ADAMTS18: variants seen among roughly 807,000 people sequenced by gnomAD.
ADAMTS18 encodes the protein ADAM metallopeptidase with thrombospondin type 1 motif 18, also known as A disintegrin and metalloproteinase with thrombospondin motifs 18.
Under a neutral mutation model 165.9 loss-of-function variants are expected in ADAMTS18, and 157 were observed. That is an observed-to-expected ratio of 0.95 (90% CI 0.83 to 1.08). The LOEUF is 1.08. Ranked by LOEUF, ADAMTS18 falls within the 50% of genes least tolerant of loss-of-function variation. ADAMTS18 has a pLI of 0.00. For synonymous variants in ADAMTS18, 782 were observed against 578.2 expected (o/e 1.35, Z -5.06); for missense variants, 2,040 against 1,534.0 (o/e 1.33, Z -5.51).
At chr16:77,386,171 G>C (rs765836770) in intron 3 of ADAMTS18, among the ~76,000 whole-genome samples, 1 of 152,178 alleles carries the variant, frequency 6.6e-6, no homozygotes, top group Non-Finnish European at 1.5e-5. Context: ...TCCCTGGACA[G>C]CCTCGTGTAC....
chr16:77,333,882 T>A lies in ADAMTS18; in HGVS notation c.1859+1874A>T, dbSNP rs867694527. ...ATTATACTATATTATATATAGTATA[T>A]TAGTATATTAATAGTATAATATATA... is the stretch of plus-strand genomic sequence containing the variant. On this transcript the variant is annotated intron_variant, in intron 12 of 22. Transcript: ENST00000282849. 1.5e-3 allele frequency among the ~76,000 whole-genome samples: 135 copies of A among 92,192 alleles called. 2 individuals carry two copies. The highest frequency in any genetic ancestry group is 1.9e-3 in the East Asian group (8 of 4,172). The allele number at this position is 92,192 out of a possible 152,430, so 60.5% of individuals were successfully genotyped here. A position where few individuals can be genotyped will look rare whatever the true frequency, so the allele number is the denominator to read the frequency against.
intron 3 of ADAMTS18, among the ~76,000 whole-genome samples, chr16:77,383,472 G>A (rs1369758161): frequency 2.0e-5 from 3 of 151,820 alleles, no homozygotes; most frequent in African/African-American, 7.3e-5. Context: ...TTCATTTGCT[G>A]TTTCCTGTGC....
intron 16 of ADAMTS18, among the ~76,000 whole-genome samples, chr16:77,301,784 C>T (rs529647213): frequency 6.6e-6 from 1 of 151,536 alleles, no homozygotes; most frequent in African/African-American, 2.4e-5. Flanking sequence ...ATGGTGTACA[C>T]ATCAGTTTGT....
In ADAMTS18 at chr16:77,361,816, G is replaced by A. The variant is rs145981685; in HGVS notation, c.1216+289C>T. Among the ~76,000 whole-genome samples, 1,507 of 152,152 alleles carry A rather than the reference G, an allele frequency of 9.9e-3. 17 individuals are homozygous for A. The highest frequency in any genetic ancestry group is 0.033 in the African/African-American group (1,357 of 41,508). The stretch of plus-strand genomic sequence containing the variant: ...GAAGAATTGCTTGAACCCAGGAGGC[G>A]GAGGTTGTAGTGAACCGAGATTGTG... On this transcript the variant is annotated intron_variant, in intron 7 of 22. Coordinates refer to ENST00000282849, the MANE Select transcript of ADAMTS18 (RefSeq NM_199355.4).
At chr16:77,285,745 G>A (rs990064498) in intron 22 of ADAMTS18, among the ~76,000 whole-genome samples, 1 of 152,126 alleles carries the variant, frequency 6.6e-6, no homozygotes, top group African/African-American at 2.4e-5. Context: ...CACTATTGAA[G>A]ATGACCTTGG....
intron 16 of ADAMTS18, among the ~76,000 whole-genome samples, chr16:77,303,435 C>T (rs571865156): frequency 1.3e-5 from 2 of 152,304 alleles, no homozygotes; most frequent in East Asian, 3.9e-4. Context: ...GAATACCCTT[C>T]CAGTTGTTTA....
chr16:77,365,224 C>A (rs1021893900), intron 4 of ADAMTS18, among the ~76,000 whole-genome samples: 13 of 152,082 alleles, frequency 8.5e-5, no homozygotes, highest in Non-Finnish European at 1.9e-4. Context: ...AATGGATCAA[C>A]AAAAATCAAT....
chr16:77,318,102 C>T (rs983878500), intron 16 of ADAMTS18, among the ~76,000 whole-genome samples: 9 of 152,110 alleles, frequency 5.9e-5, no homozygotes, highest in South Asian at 4.1e-4. Flanking sequence ...TAAAAATCAT[C>T]GGACAAGTTT....
chr16:77,326,964 C>T (rs976054908), intron 12 of ADAMTS18, among the ~76,000 whole-genome samples: 1 of 152,144 alleles, frequency 6.6e-6, no homozygotes, highest in Non-Finnish European at 1.5e-5. Context: ...TTTCTGTTCC[C>T]GCCTTAGTTG....
At chr16:77,362,730 G>GA (rs1163211190) in intron 6 of ADAMTS18, among the ~76,000 whole-genome samples, 3 of 152,092 alleles carry the variant, frequency 2.0e-5, no homozygotes, top group African/African-American at 7.2e-5. Context: ...ATAAACAAAT[G>GA]ATGATATGAT....
At chr16:77,342,403 A>T (rs1306806518) in intron 10 of ADAMTS18, among the ~76,000 whole-genome samples, 1 of 152,110 alleles carries the variant, frequency 6.6e-6, no homozygotes, top group Non-Finnish European at 1.5e-5. Context: ...TTGCTTTTTC[A>T]AGGTCCTATA....
In ADAMTS18 at chr16:77,321,129, G is replaced by A; in HGVS notation, c.2237C>T (p.Ser746Leu). The A allele has an allele frequency of 6.2e-7, 1 of 1,614,076 alleles. No individual in the cohort carries two copies. Among genetic ancestry groups the A allele is most frequent in the Non-Finnish European group, 8.5e-7 (1 of 1,179,964 alleles). Residue 746 changes from serine (S) to leucine (L), a missense_variant, in exon 15 of 23, where the codon TCA becomes TTA. Coordinates refer to ENST00000282849, the MANE Select transcript of ADAMTS18 (RefSeq NM_199355.4). ...CAGGCCTTTATAAAACTTGCAAGTT[G>A]AATTATCACCTTTGCAAACGCCACA... ...DACGVCKGDN[S>L]TCKFYKGLYL...
Position 77,373,185 on chromosome 16 carries a change from G to C in ADAMTS18, c.496-5462C>G, listed in dbSNP as rs563104589. ...ATCTTCTCAGAGAAGCCGTACTCAC[G>C]ACCCTATTGAAAATTATCCTCTCAG... On this transcript the variant is annotated intron_variant, in intron 3 of 22. Coordinates refer to ENST00000282849, the MANE Select transcript of ADAMTS18 (RefSeq NM_199355.4). Among the ~76,000 whole-genome samples, 106 of 152,032 alleles carry C rather than the reference G, an allele frequency of 7.0e-4. 1 individual carries two copies. The highest frequency in any genetic ancestry group is 8.3e-4 in the South Asian group (4 of 4,810).
At chr16:77,340,712 C>A (rs2056385236) in intron 11 of ADAMTS18, among the ~76,000 whole-genome samples, 1 of 152,068 alleles carries the variant, frequency 6.6e-6, no homozygotes, top group South Asian at 2.1e-4. Context: ...TCCCAAAGTG[C>A]TGGGACTACA....
chr16:77,382,432 G>C (rs1407500040), intron 3 of ADAMTS18, among the ~76,000 whole-genome samples: 1 of 152,136 alleles, frequency 6.6e-6, no homozygotes, highest in Non-Finnish European at 1.5e-5. Flanking sequence ...GGATGGTCTC[G>C]ATCTCCTGAC....
intron 17 of ADAMTS18, among the ~76,000 whole-genome samples, chr16:77,298,178 A>T (rs2055512399): frequency 1.3e-5 from 2 of 151,770 alleles, no homozygotes; most frequent in African/African-American, 2.4e-5. Flanking sequence ...CAGCCCCCAA[A>T]GTGCTGGTAT....
intron 3 of ADAMTS18, among the ~76,000 whole-genome samples, chr16:77,398,259 G>C (rs1049249606): frequency 8.5e-5 from 13 of 152,200 alleles, no homozygotes; most frequent in African/African-American, 2.9e-4. Flanking sequence ...AGAGGTTGCA[G>C]TGAGCCAAGA....
intron 18 of ADAMTS18, among the ~76,000 whole-genome samples, chr16:77,295,744 T>G (rs7192208): frequency 0.12 from 18,044 of 152,210 alleles, 1,157 homozygotes; most frequent in East Asian, 0.2. Context: ...TAGTGATAGG[T>G]TAAATACCTA....
intron 3 of ADAMTS18, among the ~76,000 whole-genome samples, chr16:77,386,857 T>C (rs150433119): frequency 2.0e-5 from 3 of 152,168 alleles, no homozygotes; most frequent in Non-Finnish European, 2.9e-5. Flanking sequence ...AAAGTTGGAA[T>C]AGAAGCATAG....
Sources: allele counts gnomAD v4.1 joint callset (sites outside exome capture counted in the v4.1 genomes callset), GRCh38; gene constraint gnomAD v4.1.1; transcripts MANE v1.5; gene names NCBI Gene and HGNC (gene_info 2026-07-23, HGNC 2026-07-21).